Variants in PCDH9 observed in about 807,000 individuals in gnomAD.
PCDH9 encodes the protein protocadherin 9.
A neutral mutation model predicts 70.6 loss-of-function variants in PCDH9; 24 were observed. The observed-to-expected ratio is 0.34, with a 90% CI of 0.25 to 0.48. PCDH9 has a LOEUF of 0.48. PCDH9 is among the 20% of genes least tolerant of loss of function. The probability of loss-of-function intolerance (pLI) is 0.99; values close to 1 mark genes in which losing one functional copy is unlikely to be tolerated. For missense variants in PCDH9, 1,281 were observed against 1,503.6 expected, an observed-to-expected ratio of 0.85 and a Z score of 2.45; for synonymous variants, 562 against 558.5, an observed-to-expected ratio of 1.01 and a Z score of -0.09.
intron 3 of PCDH9, among the ~76,000 whole-genome samples, chr13:66,784,057 T>C (rs905342549): frequency 5.3e-5 from 8 of 152,062 alleles, no homozygotes; most frequent in African/African-American, 1.4e-4. Flanking sequence ...AAGGAAAAAA[T>C]AGCCATATAA....
chr13:67,185,634 T>C (rs2088734384), intron 2 of PCDH9, among the ~76,000 whole-genome samples: 1 of 152,244 alleles, frequency 6.6e-6, no homozygotes, highest in Non-Finnish European at 1.5e-5. Flanking sequence ...TTAGTTTTTA[T>C]CATTAATGAT....
At chr13:66,673,594 T>C (rs1362070776) in intron 3 of PCDH9, among the ~76,000 whole-genome samples, 7 of 152,096 alleles carry the variant, frequency 4.6e-5, no homozygotes, top group African/African-American at 1.7e-4. Context: ...AGGGAACAGA[T>C]TCTACTTCAA....
intron 3 of PCDH9, among the ~76,000 whole-genome samples, chr13:66,693,001 A>C (rs2078510081): frequency 1.3e-5 from 2 of 152,150 alleles, no homozygotes; most frequent in South Asian, 4.1e-4. Flanking sequence ...ATCTATTATC[A>C]AAACTCAAAA....
chr13:67,144,573 A>T (rs1177176735), intron 2 of PCDH9, among the ~76,000 whole-genome samples: 1 of 152,140 alleles, frequency 6.6e-6, no homozygotes, highest in African/African-American at 2.4e-5. Context: ...CTAACTACCA[A>T]ACTGATATTG....
At position 67,181,516 on chromosome 13, in the gene PCDH9, A is replaced by T. The variant is rs975720782; in HGVS notation, c.3036+43889T>A. 2.0e-5 allele frequency among the ~76,000 whole-genome samples: 3 copies of T among 152,194 alleles called. No homozygotes were observed. In the East Asian group the frequency reaches 5.8e-4, roughly 29 times the overall value. On this transcript the variant is annotated intron_variant, in intron 2 of 4. Coordinates refer to ENST00000377865, the MANE Select transcript of PCDH9 (RefSeq NM_203487.3). Reference sequence around the variant, plus strand: ...ACAACTAGAAAGCAGGGAAGGTTAAATTATTTTCTAACTTGCTAATATGGT... The same window carrying T: ...ACAACTAGAAAGCAGGGAAGGTTAATTTATTTTCTAACTTGCTAATATGGT...
At chr13:66,766,514 C>T (rs1172632470) in intron 3 of PCDH9, among the ~76,000 whole-genome samples, 2 of 151,824 alleles carry the variant, frequency 1.3e-5, no homozygotes, top group African/African-American at 4.8e-5. Flanking sequence ...GACATTAATA[C>T]TTATAGTGTA....
chr13:66,336,296 T>C (rs1400523328), intron 4 of PCDH9, among the ~76,000 whole-genome samples: 4 of 151,724 alleles, frequency 2.6e-5, no homozygotes, highest in Non-Finnish European at 4.4e-5. Flanking sequence ...CACAGTACTG[T>C]ACCCGCTGAG....
intron 2 of PCDH9, among the ~76,000 whole-genome samples, chr13:66,946,436 A>G (rs1408019951): frequency 6.6e-6 from 1 of 152,136 alleles, no homozygotes; most frequent in Non-Finnish European, 1.5e-5. Context: ...TTGCAGGGCC[A>G]AGGCGGGAAG....
In PCDH9 at chr13:66,807,737, T is replaced by C. The variant is rs554718781; in HGVS notation, c.3138+95767A>G. 9.8e-5 allele frequency among the ~76,000 whole-genome samples: 15 copies of C among 152,322 alleles called. No individual in the cohort carries two copies. The South Asian group carries it at 3.1e-3, about 32-fold the overall frequency. ...GTATTATGTTTCTGTTAATAATATA[T>C]GTCAGGCCCTTAGAATTTTTAATCC... On this transcript the variant is annotated intron_variant, in intron 3 of 4. Transcript: ENST00000377865.
intron 4 of PCDH9, among the ~76,000 whole-genome samples, chr13:66,431,653 G>T (rs1957772179): frequency 6.6e-6 from 1 of 151,972 alleles, no homozygotes; most frequent in African/African-American, 2.4e-5. Flanking sequence ...TTGACACAAT[G>T]TCTGTCAAAC....
intron 3 of PCDH9, among the ~76,000 whole-genome samples, chr13:66,771,302 T>C (rs2079803094): frequency 3.3e-5 from 5 of 152,194 alleles, no homozygotes; most frequent in Admixed American, 2.0e-4. Context: ...TATAGGAGAA[T>C]ATGTTTCACT....
chr13:67,211,506 G>T (rs1244966853), intron 2 of PCDH9: 1 of 151,960 alleles, frequency 6.6e-6, no homozygotes, highest in Non-Finnish European at 1.5e-5. Flanking sequence ...GAAATTTGGG[G>T]ATGACCTTCC....
chr13:67,182,715 T>C (rs1448793201), intron 2 of PCDH9, among the ~76,000 whole-genome samples: 1 of 152,100 alleles, frequency 6.6e-6, no homozygotes, highest in African/African-American at 2.4e-5. Context: ...TAAGAAGCCA[T>C]TGGGTGAAAG....
chr13:66,614,677 TTA>T (rs1229873807), intron 4 of PCDH9, among the ~76,000 whole-genome samples: 1 of 152,222 alleles, frequency 6.6e-6, no homozygotes, highest in Non-Finnish European at 1.5e-5. Flanking sequence ...TTTGACATGC[TTA>T]TGTTAGAAAT....
intron 3 of PCDH9, among the ~76,000 whole-genome samples, chr13:66,696,474 T>A (rs1300046255): frequency 2.0e-5 from 3 of 152,188 alleles, no homozygotes; most frequent in Non-Finnish European, 4.4e-5. Context: ...GCAAAAGAAA[T>A]CTTCTCTAAC....
chr13:67,121,006 C>T (rs2086867915), intron 2 of PCDH9, among the ~76,000 whole-genome samples: 2 of 151,734 alleles, frequency 1.3e-5, no homozygotes, highest in Admixed American at 1.3e-4. Flanking sequence ...ACTTATTAAT[C>T]TATTTAACAA....
chr13:66,518,238 C>A (rs1262721270), intron 4 of PCDH9, among the ~76,000 whole-genome samples: 1 of 152,036 alleles, frequency 6.6e-6, no homozygotes, highest in East Asian at 1.9e-4. Context: ...GAACTCAGAG[C>A]AATAGCTTAC....
intron 3 of PCDH9, among the ~76,000 whole-genome samples, chr13:66,848,927 CAAAAAAAA>C (rs745587776): frequency 2.1e-4 from 11 of 51,308 alleles, no homozygotes; most frequent in South Asian, 1.3e-3. Flanking sequence ...GACTCCGTCT[CAAAAAAAA>C]AAAAAAAAAA....
At chr13:66,551,212 G>A (rs1189571716) in intron 4 of PCDH9, among the ~76,000 whole-genome samples, 1 of 152,104 alleles carries the variant, frequency 6.6e-6, no homozygotes, top group African/African-American at 2.4e-5. Flanking sequence ...TTGGAACTCA[G>A]ATCCCCAAGG....
Sources: allele counts gnomAD v4.1 joint callset (sites outside exome capture counted in the v4.1 genomes callset), GRCh38; gene constraint gnomAD v4.1.1; transcripts MANE v1.5; gene names NCBI Gene and HGNC (gene_info 2026-07-23, HGNC 2026-07-21).